The following ATG7 variants were observed in gnomAD, a reference collection of about 807,000 sequenced individuals.
ATG7 encodes autophagy related 7.
A neutral mutation model predicts 82.4 loss-of-function variants in ATG7; 70 were observed. The ratio of observed to expected loss-of-function variants is 0.85; its 90% CI spans 0.70 to 1.04. ATG7 has a LOEUF of 1.04. Ranked by LOEUF, ATG7 falls within the 50% of genes least tolerant of loss-of-function variation. The pLI is 0.00. For synonymous variants in ATG7, 287 were observed against 313.0 expected, an observed-to-expected ratio of 0.92 and a Z score of 0.88; for missense variants, 792 against 864.3, an observed-to-expected ratio of 0.92 and a Z score of 1.05.
intron 20 of ATG7, among the ~76,000 whole-genome samples, chr3:11,459,099 G>C (rs1055306741): frequency 6.7e-6 from 1 of 150,114 alleles, no homozygotes; most frequent in Non-Finnish European, 1.5e-5. Flanking sequence ...TGGCCTAGGC[G>C]ATCACTTCTC....
intron 20 of ATG7, among the ~76,000 whole-genome samples, chr3:11,445,796 C>A (rs1269499945): frequency 6.6e-6 from 1 of 152,186 alleles, no homozygotes; most frequent in Non-Finnish European, 1.5e-5. Flanking sequence ...GGTCCCTTAT[C>A]CTTGCCAGAA....
At chr3:11,532,593 C>T (rs1423183539) in intron 20 of ATG7, among the ~76,000 whole-genome samples, 2 of 152,100 alleles carry the variant, frequency 1.3e-5, no homozygotes, top group East Asian at 1.9e-4. Context: ...TGTGGTGGTG[C>T]GCACCTGTGG....
chr3:11,280,117 G>C (rs1942767626), intron 1 of ATG7, among the ~76,000 whole-genome samples: 1 of 151,712 alleles, frequency 6.6e-6, no homozygotes, highest in Admixed American at 6.6e-5. Flanking sequence ...TGCTATCTCA[G>C]CTGACTGCAA....
At chr3:11,573,653 A>T in the ATG7 span, among the ~76,000 whole-genome samples, 3 of 152,056 alleles carry the variant, frequency 2.0e-5, no homozygotes, top group African/African-American at 7.2e-5. Flanking sequence ...GCATGAAATC[A>T]CTCCTTCTTG....
At chr3:11,296,129 T>G (rs75644524) in intron 3 of ATG7, among the ~76,000 whole-genome samples, 5,358 of 152,348 alleles carry the variant, frequency 0.035, 142 homozygotes, top group Non-Finnish European at 0.055. Context: ...TCTAGGACTT[T>G]GTGGGGCTTT....
intron 20 of ATG7, among the ~76,000 whole-genome samples, chr3:11,545,557 C>T (rs1474172339): frequency 6.6e-6 from 1 of 152,146 alleles, no homozygotes; most frequent in Non-Finnish European, 1.5e-5. Context: ...TGTCCATAAA[C>T]CTGACCTAGG....
chr3:11,277,498 C>G (rs980418908), intron 1 of ATG7: 1 of 152,378 alleles, frequency 6.6e-6, no homozygotes, highest in African/African-American at 2.4e-5. Context: ...AATTTTACAG[C>G]TGGGCCTCTG....
intron 20 of ATG7, among the ~76,000 whole-genome samples, chr3:11,436,608 G>A (rs2083392325): frequency 1.3e-5 from 2 of 152,180 alleles, no homozygotes; most frequent in Admixed American, 1.3e-4. Context: ...AATGTACACA[G>A]TGTTCCTAAC....
intron 20 of ATG7, among the ~76,000 whole-genome samples, chr3:11,429,163 C>T (rs947160359): frequency 2.6e-5 from 4 of 151,986 alleles, no homozygotes; most frequent in African/African-American, 9.7e-5. Context: ...TTTGGCCTGC[C>T]CAGTTTGTTA....
intron 20 of ATG7, among the ~76,000 whole-genome samples, chr3:11,473,306 A>G (rs180696588): frequency 4.3e-4 from 65 of 152,316 alleles, no homozygotes; most frequent in African/African-American, 1.5e-3. Flanking sequence ...ACCCAGGAAG[A>G]AAATTGTCAC....
chr3:11,347,370 G>T (rs904420248), intron 13 of ATG7, among the ~76,000 whole-genome samples: 3 of 152,132 alleles, frequency 2.0e-5, no homozygotes, highest in Admixed American at 2.0e-4. Context: ...TATTAATAAG[G>T]CTTTGCCTCT....
At chr3:11,480,723 C>T (rs1210894882) in intron 20 of ATG7, among the ~76,000 whole-genome samples, 3 of 152,238 alleles carry the variant, frequency 2.0e-5, no homozygotes, top group Non-Finnish European at 4.4e-5. Context: ...GAAACCCAGG[C>T]TTCTCAGTGA....
the ATG7 span, among the ~76,000 whole-genome samples, chr3:11,567,041 G>T: frequency 6.6e-6 from 1 of 152,140 alleles, no homozygotes; most frequent in African/African-American, 2.4e-5. Flanking sequence ...CGGCCCAGTC[G>T]GTGAGCTGCT....
Position 11,362,811 on chromosome 3 carries a change from A to G in ATG7, c.1684-2A>G, listed in dbSNP as rs769850031. The G allele has an allele frequency of 1.2e-6, 2 of 1,613,674 alleles. No individual in the cohort carries two copies. The highest frequency in any genetic ancestry group is 8.5e-7 in the Non-Finnish European group (1 of 1,179,716). On this transcript the variant is annotated splice_acceptor_variant, in intron 16 of 20. Coordinates refer to ENST00000693202, the MANE Select transcript of ATG7 (RefSeq NM_001349232.2). LOFTEE classifies it high-confidence loss of function. ...CACACACCAATGATTGTTTCTTTGC[A>G]GTCAACCAGAGACCGGACCTTGGAC...
intron 20 of ATG7, among the ~76,000 whole-genome samples, chr3:11,524,536 A>C (rs2092523975): frequency 6.6e-6 from 1 of 152,226 alleles, no homozygotes; most frequent in Admixed American, 6.5e-5. Flanking sequence ...AGGCAGGAGG[A>C]TCACTTGAGC....
chr3:11,571,473 C>G, the ATG7 span, among the ~76,000 whole-genome samples: 1 of 152,018 alleles, frequency 6.6e-6, no homozygotes, highest in African/African-American at 2.4e-5. Flanking sequence ...TGCTTAGGCC[C>G]AGGAGTTCGA....
At chr3:11,453,873 C>G (rs894410423) in intron 20 of ATG7, among the ~76,000 whole-genome samples, 3 of 152,168 alleles carry the variant, frequency 2.0e-5, no homozygotes, top group African/African-American at 7.2e-5. Flanking sequence ...ACAGTGTGCC[C>G]TGGTCAGCTG....
chr3:11,326,559 G>A (rs1490996674), intron 9 of ATG7, among the ~76,000 whole-genome samples: 2 of 152,172 alleles, frequency 1.3e-5, no homozygotes, highest in Non-Finnish European at 2.9e-5. Flanking sequence ...CTGCCTTCCA[G>A]AGTGCTGGGA....
chr3:11,559,756 C>T (rs778212761), downstream of ATG7, among the ~76,000 whole-genome samples: 12 of 152,186 alleles, frequency 7.9e-5, no homozygotes, highest in Non-Finnish European at 1.3e-4. Context: ...AAGACAAACA[C>T]CGGGCATCCT....
Sources: gnomAD v4.1 joint callset for allele counts (sites outside exome capture counted in the v4.1 genomes callset) on GRCh38, gnomAD v4.1.1 for gene constraint, MANE v1.5 for transcripts, NCBI Gene and HGNC (gene_info 2026-07-23, HGNC 2026-07-21) for gene names.